DLG2: variants seen among roughly 807,000 people sequenced by gnomAD.
DLG2 encodes the protein disks large homolog 2.
A neutral mutation model predicts 132.5 loss-of-function variants in DLG2; 45 were observed. That is an observed-to-expected ratio of 0.34 (90% CI 0.27 to 0.44). The LOEUF (loss-of-function observed/expected upper bound fraction) is 0.44, where lower values mean the gene tolerates loss of function less well. Ranked by LOEUF, DLG2 falls within the 20% of genes least tolerant of loss-of-function variation. DLG2 has a pLI of 1.00. For synonymous variants in DLG2, 424 were observed against 419.6 expected (o/e 1.01, Z -0.13); for missense variants, 1,045 against 1,196.9 (o/e 0.87, Z 1.87).
At chr11:85,107,902 T>C (rs1300591220) in intron 6 of DLG2, among the ~76,000 whole-genome samples, 2 of 123,008 alleles carry the variant, frequency 1.6e-5, no homozygotes, top group Non-Finnish European at 3.1e-5. Context: ...CTGTACATTA[T>C]AGTTACTACT....
chr11:83,778,755 C>T (rs1040610350), intron 18 of DLG2, among the ~76,000 whole-genome samples: 2 of 151,984 alleles, frequency 1.3e-5, no homozygotes, highest in African/African-American at 4.8e-5. Flanking sequence ...GAGAGGTATG[C>T]AGCATGATTA....
intron 8 of DLG2, among the ~76,000 whole-genome samples, chr11:84,184,924 G>A (rs890190592): frequency 1.5e-4 from 23 of 152,114 alleles, no homozygotes; most frequent in Middle Eastern, 3.4e-3. Flanking sequence ...TGTTCCATTC[G>A]TCTATATCTC....
chr11:84,913,925 C>T (rs746350946), intron 6 of DLG2, among the ~76,000 whole-genome samples: 143 of 152,264 alleles, frequency 9.4e-4, no homozygotes, highest in Non-Finnish European at 1.6e-3. Context: ...CTTTTATTTG[C>T]GCCAAGATTC....
At chr11:84,827,867 C>A (rs2078540849) in intron 6 of DLG2, among the ~76,000 whole-genome samples, 1 of 151,468 alleles carries the variant, frequency 6.6e-6, no homozygotes. Flanking sequence ...ACAAATATTG[C>A]ATGTTCTCAC....
At chr11:85,511,981 T>C (rs2094083021) in intron 3 of DLG2, among the ~76,000 whole-genome samples, 1 of 152,056 alleles carries the variant, frequency 6.6e-6, no homozygotes, top group African/African-American at 2.4e-5. Context: ...GAAATATTAA[T>C]TGTTCATACC....
intron 12 of DLG2, among the ~76,000 whole-genome samples, chr11:83,971,124 C>CT (rs990464851): frequency 5.3e-5 from 8 of 151,908 alleles, no homozygotes; most frequent in Middle Eastern, 3.4e-3. Flanking sequence ...CTTTTTTATT[C>CT]TTTTTTTTCT....
At chr11:83,815,623 T>C (rs1399724063) in intron 17 of DLG2, among the ~76,000 whole-genome samples, 1 of 152,142 alleles carries the variant, frequency 6.6e-6, no homozygotes, top group Non-Finnish European at 1.5e-5. Flanking sequence ...AAGAGGTGGA[T>C]GGAGCAGAGA....
intron 6 of DLG2, among the ~76,000 whole-genome samples, chr11:84,654,582 T>C (rs917426658): frequency 6.6e-6 from 1 of 152,196 alleles, no homozygotes; most frequent in African/African-American, 2.4e-5. Context: ...GTAAGTCCTG[T>C]CATTTATACC....
chr11:83,653,066 A>G (rs1227077663), intron 18 of DLG2, among the ~76,000 whole-genome samples: 1 of 152,242 alleles, frequency 6.6e-6, no homozygotes, highest in East Asian at 1.9e-4. Context: ...ACCCCAATCT[A>G]ATAACTTCCC....
chr11:84,770,120 G>C (rs1466126203), intron 6 of DLG2, among the ~76,000 whole-genome samples: 4 of 152,038 alleles, frequency 2.6e-5, no homozygotes, highest in Admixed American at 6.6e-5. Flanking sequence ...TGCAAGATCT[G>C]GTTGCTTAAA....
chr11:83,619,649 T>C (rs1391252441), intron 19 of DLG2, among the ~76,000 whole-genome samples: 3 of 152,152 alleles, frequency 2.0e-5, no homozygotes, highest in Admixed American at 6.5e-5. Flanking sequence ...ATAAGAGGAT[T>C]TGAGTGTGTT....
intron 17 of DLG2, among the ~76,000 whole-genome samples, chr11:83,794,875 TA>T (rs2042413445): frequency 6.6e-6 from 1 of 152,188 alleles, no homozygotes; most frequent in African/African-American, 2.4e-5. Flanking sequence ...TACAAGATTC[TA>T]GTTCTGAAAC....
intron 18 of DLG2, among the ~76,000 whole-genome samples, chr11:83,737,724 C>A (rs549260948): frequency 6.6e-6 from 1 of 152,282 alleles, no homozygotes; most frequent in Admixed American, 6.5e-5. Flanking sequence ...GAGGCCAAGG[C>A]AGGTGGATAA....
At chr11:84,488,473 A>G (rs2099156469) in intron 7 of DLG2, among the ~76,000 whole-genome samples, 1 of 152,114 alleles carries the variant, frequency 6.6e-6, no homozygotes, top group Admixed American at 6.6e-5. Flanking sequence ...GCTGTTGGGT[A>G]TAGGTTTTCC....
intron 3 of DLG2, among the ~76,000 whole-genome samples, chr11:85,571,319 T>G (rs1445239622): frequency 6.6e-6 from 1 of 152,212 alleles, no homozygotes; most frequent in Non-Finnish European, 1.5e-5. Context: ...TTTTATGAAC[T>G]AATTTTGTAA....
chr11:85,533,476 T>TATATATATAA (rs1233917527), intron 3 of DLG2, among the ~76,000 whole-genome samples: 2,881 of 148,516 alleles, frequency 0.019, 43 homozygotes, highest in Non-Finnish European at 0.027. Context: ...TATATATATA[T>TATATATATAA]AATTCTTTTT....
intron 6 of DLG2, among the ~76,000 whole-genome samples, chr11:84,613,390 C>T (rs1045217970): frequency 2.0e-5 from 3 of 152,096 alleles, no homozygotes. Context: ...GCAGATACAG[C>T]CAGTTCCCTT....
chr11:85,434,093 A>C (rs1164623254), intron 3 of DLG2, among the ~76,000 whole-genome samples: 1 of 152,230 alleles, frequency 6.6e-6, no homozygotes, highest in Admixed American at 6.5e-5. Flanking sequence ...TAATGAAATT[A>C]AGGCAGAAAT....
At chr11:83,572,573 G>A (rs1167455346) in intron 19 of DLG2, among the ~76,000 whole-genome samples, 2 of 152,156 alleles carry the variant, frequency 1.3e-5, no homozygotes, top group Non-Finnish European at 2.9e-5. Context: ...ACTCAGTACA[G>A]AATCCCAGAA....
Sources: gnomAD v4.1 joint callset for allele counts (sites outside exome capture counted in the v4.1 genomes callset) on GRCh38, gnomAD v4.1.1 for gene constraint, MANE v1.5 for transcripts, NCBI Gene and HGNC (gene_info 2026-07-23, HGNC 2026-07-21) for gene names.